Variants in CADM2 observed in about 807,000 individuals in gnomAD.
CADM2 encodes immunoglobulin superfamily member 4D.
Under a neutral mutation model 49.8 loss-of-function variants are expected in CADM2, and 12 were observed. That is an observed-to-expected ratio of 0.24 (90% CI 0.15 to 0.39). CADM2 has a LOEUF of 0.39. CADM2 is among the 10% of genes least tolerant of loss of function. The pLI, the probability that CADM2 is intolerant of heterozygous loss-of-function variation, is 1.00. For synonymous variants in CADM2, 214 were observed against 175.4 expected, an observed-to-expected ratio of 1.22 and a Z score of -1.74; for missense variants, 378 against 492.3, an observed-to-expected ratio of 0.77 and a Z score of 2.20.
At chr3:85,868,735 T>A (rs947059886) in intron 3 of CADM2, among the ~76,000 whole-genome samples, 3 of 152,138 alleles carry the variant, frequency 2.0e-5, no homozygotes, top group African/African-American at 7.2e-5. Flanking sequence ...CTCAATAATT[T>A]GTGTTTGTGT....
At chr3:85,453,548 T>C (rs535812785) in intron 1 of CADM2, among the ~76,000 whole-genome samples, 238 of 152,296 alleles carry the variant, frequency 1.6e-3, no homozygotes, top group South Asian at 0.011. Flanking sequence ...ATTTTCTGGA[T>C]TTCTGGAGTA....
chr3:85,111,628 T>C (rs2038461853), intron 1 of CADM2, among the ~76,000 whole-genome samples: 1 of 149,438 alleles, frequency 6.7e-6, no homozygotes, highest in Admixed American at 6.6e-5. Context: ...TATAGGGTTG[T>C]GGAGGAGGTG....
intron 1 of CADM2, among the ~76,000 whole-genome samples, chr3:85,308,310 T>TACACACACACACAC (rs10662960): frequency 0.026 from 3,758 of 143,544 alleles, 68 homozygotes; most frequent in Non-Finnish European, 0.039. Context: ...TCTACCTCTC[T>TACACACACACACAC]ACACACACAC....
At chr3:86,016,770 A>AATAAT (rs1732290650) in intron 8 of CADM2, among the ~76,000 whole-genome samples, 1 of 152,208 alleles carries the variant, frequency 6.6e-6, no homozygotes, top group Non-Finnish European at 1.5e-5. Context: ...TTTAATGATG[A>AATAAT]TTAATATGTC....
At chr3:85,302,870 A>T (rs1417449331) in intron 1 of CADM2, among the ~76,000 whole-genome samples, 1 of 152,002 alleles carries the variant, frequency 6.6e-6, no homozygotes, top group African/African-American at 2.4e-5. Context: ...GGACTTGATG[A>T]ATATTTTCAT....
chr3:85,209,132 C>T (rs1384443105), intron 1 of CADM2, among the ~76,000 whole-genome samples: 2 of 152,018 alleles, frequency 1.3e-5, no homozygotes, highest in Non-Finnish European at 2.9e-5. Context: ...TGTTTTTCCT[C>T]CAAAATACTA....
intron 1 of CADM2, among the ~76,000 whole-genome samples, chr3:85,351,721 T>A (rs1041727063): frequency 6.6e-6 from 1 of 152,140 alleles, no homozygotes; most frequent in Non-Finnish European, 1.5e-5. Context: ...GTAATGCAGT[T>A]AAAGGTTTTT....
chr3:85,931,126 AC>A (rs1425777594), intron 6 of CADM2, among the ~76,000 whole-genome samples: 1 of 152,090 alleles, frequency 6.6e-6, no homozygotes, highest in East Asian at 1.9e-4. Flanking sequence ...TAATCCCAGC[AC>A]TTTTGGAGGC....
intron 1 of CADM2, among the ~76,000 whole-genome samples, chr3:85,310,226 T>C (rs1291781486): frequency 4.6e-5 from 7 of 152,226 alleles, no homozygotes; most frequent in Non-Finnish European, 8.8e-5. Context: ...TAGACAATAT[T>C]TGCATGTGAA....
chr3:85,447,431 A>G (rs1010991359), intron 1 of CADM2, among the ~76,000 whole-genome samples: 3 of 152,098 alleles, frequency 2.0e-5, no homozygotes, highest in Non-Finnish European at 1.5e-5. Context: ...ATTTGTTTAT[A>G]ATTTAGTTTA....
At chr3:85,941,481 G>A (rs1482455511) in intron 7 of CADM2, among the ~76,000 whole-genome samples, 1 of 152,018 alleles carries the variant, frequency 6.6e-6, no homozygotes, top group Non-Finnish European at 1.5e-5. Flanking sequence ...TTTATTTGAA[G>A]TTAAATAATA....
At chr3:86,016,477 T>C (rs9812581) in intron 8 of CADM2, among the ~76,000 whole-genome samples, 33,860 of 152,122 alleles carry the variant, frequency 0.22, 4,150 homozygotes, top group East Asian at 0.33. Context: ...GAAAAAATTA[T>C]GATGAAATAA....
intron 1 of CADM2, among the ~76,000 whole-genome samples, chr3:85,515,001 C>A (rs1212509641): frequency 1.3e-5 from 2 of 152,002 alleles, no homozygotes; most frequent in Admixed American, 6.6e-5. Flanking sequence ...ATATACTGTC[C>A]TTTTGCATAT....
intron 1 of CADM2, among the ~76,000 whole-genome samples, chr3:85,223,908 C>T (rs2042094362): frequency 6.6e-6 from 1 of 152,130 alleles, no homozygotes; most frequent in South Asian, 2.1e-4. Flanking sequence ...CAGCTTCATC[C>T]ATGTCCCTGC....
intron 1 of CADM2, among the ~76,000 whole-genome samples, chr3:85,061,552 T>A (rs968946439): frequency 6.6e-6 from 1 of 152,182 alleles, no homozygotes; most frequent in African/African-American, 2.4e-5. Flanking sequence ...TTCCTTAAAG[T>A]CTATTAAATA....
chr3:85,831,567 T>C (rs1315634567), intron 3 of CADM2, among the ~76,000 whole-genome samples: 1 of 152,052 alleles, frequency 6.6e-6, no homozygotes, highest in Non-Finnish European at 1.5e-5. Flanking sequence ...TTGATGTGCA[T>C]TTATCAAATA....
At chr3:85,387,729 T>C (rs542979298) in intron 1 of CADM2, among the ~76,000 whole-genome samples, 2 of 152,310 alleles carry the variant, frequency 1.3e-5, no homozygotes, top group African/African-American at 4.8e-5. Flanking sequence ...TATTTAGTAG[T>C]ATTCTAAATG....
At chr3:86,065,051 T>C (rs1408909548) in intron 8 of CADM2, among the ~76,000 whole-genome samples, 1 of 152,204 alleles carries the variant, frequency 6.6e-6, no homozygotes, top group African/African-American at 2.4e-5. Flanking sequence ...TCTGCACAAC[T>C]GGAAGTTCTT....
intron 7 of CADM2, among the ~76,000 whole-genome samples, chr3:85,940,403 T>A (rs1721750122): frequency 6.6e-6 from 1 of 151,960 alleles, no homozygotes; most frequent in Non-Finnish European, 1.5e-5. Context: ...TGTACCTTTT[T>A]ACAAATCACA....
Sources: gnomAD v4.1 joint callset for allele counts (sites outside exome capture counted in the v4.1 genomes callset) on GRCh38, gnomAD v4.1.1 for gene constraint, MANE v1.5 for transcripts, NCBI Gene and HGNC (gene_info 2026-07-23, HGNC 2026-07-21) for gene names.